Variants in NANS observed in about 807,000 individuals in gnomAD.
The protein encoded by NANS is N-acetylneuraminate-9-phosphate synthase.
Under a neutral mutation model 33.3 loss-of-function variants are expected in NANS, and 29 were observed. The ratio of observed to expected loss-of-function variants is 0.87; its 90% CI spans 0.65 to 1.19. NANS has a LOEUF of 1.19. Ranked by LOEUF, NANS falls within the 50% of genes most tolerant of loss-of-function variation. NANS has a pLI of 0.00. For missense variants in NANS, 394 were observed against 461.1 expected, an observed-to-expected ratio of 0.85 and a Z score of 1.33; for synonymous variants, 163 against 177.2, an observed-to-expected ratio of 0.92 and a Z score of 0.64.
rs35815359 is a variant in NANS, at chr9:98,066,653, A to ATT, written c.348+5670_348+5671dup. ...CCCAGGCCTAGGCAACCACTTACCGATTTTTTTTTTTTTTTGAGACAGAGT... is the reference window on the plus strand; with the variant it reads ...CCCAGGCCTAGGCAACCACTTACCGATTTTTTTTTTTTTTTTTGAGACAGAGT... On this transcript the variant is annotated intron_variant, in intron 2 of 5. Transcript: ENST00000210444. Among the ~76,000 whole-genome samples the ATT allele has an allele frequency of 2.7e-3, 391 of 143,506 alleles. 1 individual carries two copies. Among genetic ancestry groups the ATT allele is most frequent in the African/African-American group, 8.0e-3 (311 of 39,108 alleles). The allele number at this position is 143,506 out of a possible 152,430, so 94.1% of individuals were successfully genotyped here. A position where few individuals can be genotyped will look rare whatever the true frequency, so the allele number is the denominator to read the frequency against.
At chr9:98,057,902 GTTTTTTTTTTTTTTTCCTGGTTTTT>G (rs1828873008) in intron 1 of NANS, among the ~76,000 whole-genome samples, 2 of 93,230 alleles carry the variant, frequency 2.1e-5, no homozygotes, top group Non-Finnish European at 4.0e-5. Flanking sequence ...TTCTCTTACT[GTTTTTTTTTTTTTTTCCTGGTTTTT>G]TTTTTTTTTT....
intron 5 of NANS, 36 bp from the exon 6 acceptor site, chr9:98,082,810 T>C (rs375501026): frequency 8.7e-6 from 14 of 1,602,544 alleles, no homozygotes; most frequent in Non-Finnish European, 1.0e-5. Context: ...TAGTTACTTC[T>C]GTGAAGCTGG....
intron 1 of NANS, among the ~76,000 whole-genome samples, chr9:98,060,561 T>C (rs1223814269): frequency 6.6e-6 from 1 of 152,024 alleles, no homozygotes; most frequent in African/African-American, 2.4e-5. Context: ...TCCCAGCTAC[T>C]TGGGAGGCTG....
At chr9:98,062,209 A>G (rs972126040) in intron 2 of NANS, among the ~76,000 whole-genome samples, 3 of 149,382 alleles carry the variant, frequency 2.0e-5, no homozygotes, top group Admixed American at 6.9e-5. Context: ...CTGTCTCTTA[A>G]TAAAAAAAAA....
At chr9:98,077,374 AT>A (rs76602477) in intron 3 of NANS, among the ~76,000 whole-genome samples, 2,102 of 140,778 alleles carry the variant, frequency 0.015, 16 homozygotes, top group Non-Finnish European at 0.016. Context: ...CTTTTTAAGA[AT>A]TTTTTTTTTT....
At chr9:98,064,957 G>A (rs1387284093) in intron 2 of NANS, among the ~76,000 whole-genome samples, 3 of 152,130 alleles carry the variant, frequency 2.0e-5, no homozygotes, top group African/African-American at 7.2e-5. Flanking sequence ...TACGTAAAAA[G>A]GTTAGTTAGA....
At chr9:98,065,243 G>T (rs770408375) in intron 2 of NANS, among the ~76,000 whole-genome samples, 2 of 149,988 alleles carry the variant, frequency 1.3e-5, no homozygotes, top group Non-Finnish European at 3.0e-5. Context: ...TTTCAACAGA[G>T]AATTACAATG....
rs753009462 is a variant in NANS, at chr9:98,081,046, G to C, written c.834G>C (p.Lys278Asn). 2.5e-6 allele frequency: 4 copies of C among 1,614,166 alleles called. No homozygotes were observed. The highest frequency in any genetic ancestry group is 3.4e-6 in the Non-Finnish European group (4 of 1,180,018). ...LVERALGSPT[K>N]QLLPCEMACN... ...AGCGTGCCCTGGGCTCCCCAACCAA[G>C]CAGCTGCTGCCCTGTGAGATGGCCT... The change falls in exon 5 of 6, where the codon AAG becomes AAC. Residue 278 changes from lysine (K) to asparagine (N), a missense_variant. Lys to Asn is a moderately conservative substitution (Grantham distance 94). Coordinates refer to ENST00000210444, the MANE Select transcript of NANS (RefSeq NM_018946.4).
At chr9:98,057,006 G>C in intron 1 of NANS, 66 bp downstream of exon 1, 3 of 1,477,720 alleles carry the variant, frequency 2.0e-6, no homozygotes, top group South Asian at 1.4e-5. Flanking sequence ...GCCGCGGGGA[G>C]CCAGGGCCAC....
At chr9:98,065,158 T>A (rs555630421) in intron 2 of NANS, among the ~76,000 whole-genome samples, 117 of 152,270 alleles carry the variant, frequency 7.7e-4, no homozygotes, top group Non-Finnish European at 1.2e-4. Flanking sequence ...ATTGTGTTAA[T>A]CCTTCTGGGC....
Position 98,068,512 on chromosome 9 carries a change from C to T in NANS, c.348+7515C>T, listed in dbSNP as rs1041381456. The stretch of plus-strand genomic sequence containing the variant: ...GATATCACTGCACAGCTGTCAGTAT[C>T]GTTAAAGTAAAAAGTGGTTGGCTGG... On this transcript the variant is annotated intron_variant, in intron 2 of 5. Coordinates refer to ENST00000210444, the MANE Select transcript of NANS (RefSeq NM_018946.4). 2.6e-5 allele frequency among the ~76,000 whole-genome samples: 4 copies of T among 151,664 alleles called. No homozygotes were observed. The South Asian group carries it at 6.2e-4, about 24-fold the overall frequency.
At chr9:98,061,916 G>T (rs1799050355) in intron 2 of NANS, among the ~76,000 whole-genome samples, 1 of 151,850 alleles carries the variant, frequency 6.6e-6, no homozygotes, top group Non-Finnish European at 1.5e-5. Context: ...GTTTCTCCCA[G>T]TAGAAAATGG....
At position 98,056,917 on chromosome 9, in the gene NANS, A is replaced by C. The variant is rs1484305778; in HGVS notation, c.109A>C (p.Lys37Gln). 2.5e-6 allele frequency: 4 copies of C among 1,608,094 alleles called. No individual in the cohort carries two copies. The highest frequency in any genetic ancestry group is 3.4e-6 in the Non-Finnish European group (4 of 1,177,758). Residue 37 changes from lysine (K) to glutamine (Q), a missense_variant, in exon 1 of 6, where the codon AAG becomes CAG. Transcript: ENST00000210444. ...QNHQGDLDVAKRMIRMAKECG... is the reference protein window; with the variant it reads ...QNHQGDLDVAQRMIRMAKECG... Reference sequence around the variant, plus strand: ...CCACCAGGGCGACCTGGACGTAGCCAAGCGCATGATCCGCATGGCCAAGGT... The same window carrying C: ...CCACCAGGGCGACCTGGACGTAGCCCAGCGCATGATCCGCATGGCCAAGGT...
intron 5 of NANS, chr9:98,081,567 T>TGCA (rs1468249845): frequency 6.4e-6 from 1 of 157,188 alleles, no homozygotes; most frequent in Non-Finnish European, 1.4e-5. Flanking sequence ...TGGGTGATGA[T>TGCA]GCAGCTATTC....
chr9:98,070,750 A>C (rs1829304825), intron 2 of NANS, among the ~76,000 whole-genome samples: 1 of 152,112 alleles, frequency 6.6e-6, no homozygotes, highest in South Asian at 2.1e-4. Flanking sequence ...AGCAAATACG[A>C]ATAAATAAAA....
At chr9:98,081,429 C>A in intron 5 of NANS, 1 of 241,418 alleles carries the variant, frequency 4.1e-6, no homozygotes, top group Non-Finnish European at 8.1e-6. Flanking sequence ...AGTCTGGGCT[C>A]CCTTGGAGCA....
rs766439136 is a variant in NANS, at chr9:98,056,851, G to T, written c.43G>T (p.Gly15Trp). 3.1e-6 allele frequency: 5 copies of T among 1,612,084 alleles called. No individual in the cohort carries two copies. Among genetic ancestry groups the T allele is most frequent in the Non-Finnish European group, 4.2e-6 (5 of 1,179,438 alleles). ...GCTGTGTCCCGGGCGCTGGGTGGGC[G>T]GGCAACACCCGTGCTTCATCATTGC... The part of the protein sequence containing the change: ...LELCPGRWVG[G>W]QHPCFIIAEI... Residue 15 changes from glycine to tryptophan, a missense_variant, in exon 1 of 6, where the codon GGG becomes TGG. By Grantham distance (184) the Gly-to-Trp change is radical. Coordinates refer to ENST00000210444, the MANE Select transcript of NANS (RefSeq NM_018946.4).
At chr9:98,068,758 C>A (rs1829224521) in intron 2 of NANS, among the ~76,000 whole-genome samples, 1 of 150,904 alleles carries the variant, frequency 6.6e-6, no homozygotes, top group Non-Finnish European at 1.5e-5. Context: ...GAGCTTGAGG[C>A]TGTGGTAAGC....
chr9:98,057,902 G>GTTTTTTTTTTTTTTCCTGGTTTTTTTT (rs1564154323), intron 1 of NANS, among the ~76,000 whole-genome samples: 1 of 93,230 alleles, frequency 1.1e-5, no homozygotes, highest in Non-Finnish European at 2.0e-5. Flanking sequence ...TTCTCTTACT[G>GTTTTTTTTTTTTTTCCTGGTTTTTTTT]TTTTTTTTTT....
Sources: gnomAD v4.1 joint callset for allele counts (sites outside exome capture counted in the v4.1 genomes callset) on GRCh38, gnomAD v4.1.1 for gene constraint, MANE v1.5 for transcripts, NCBI Gene and HGNC (gene_info 2026-07-23, HGNC 2026-07-21) for gene names.